Variants in HFM1 observed in about 807,000 individuals in gnomAD.
HFM1 encodes the protein probable ATP-dependent DNA helicase HFM1.
A neutral mutation model predicts 192.1 loss-of-function variants in HFM1; 169 were observed. The ratio of observed to expected loss-of-function variants is 0.88; its 90% CI spans 0.78 to 1.00. The LOEUF is 1.00. HFM1 is among the 50% of genes least tolerant of loss of function. The pLI is 0.00. For missense variants in HFM1, 1,661 were observed against 1,668.0 expected, an observed-to-expected ratio of 1.00 and a Z score of 0.07; for synonymous variants, 525 against 537.8, an observed-to-expected ratio of 0.98 and a Z score of 0.33.
intron 30 of HFM1, among the ~76,000 whole-genome samples, chr1:91,295,763 TAGA>T (rs1156279525): frequency 9.9e-5 from 15 of 152,180 alleles, no homozygotes; most frequent in Non-Finnish European, 1.5e-4. Flanking sequence ...TTTTTATGGT[TAGA>T]AAGTTTTGTG....
chr1:91,278,893 G>A (rs191978359), intron 30 of HFM1, among the ~76,000 whole-genome samples: 1 of 152,134 alleles, frequency 6.6e-6, no homozygotes, highest in Non-Finnish European at 1.5e-5. Flanking sequence ...ACAGAGATAA[G>A]ACTACCATGT....
intron 17 of HFM1, 31 bp downstream of exon 17, chr1:91,351,518 A>G (rs1411282790): frequency 1.9e-6 from 2 of 1,057,842 alleles, no homozygotes; most frequent in African/African-American, 3.2e-5. Context: ...TATTAGCATT[A>G]GTATCTTTTT....
At chr1:91,302,677 G>A (rs375063035) in intron 30 of HFM1, among the ~76,000 whole-genome samples, 14 of 149,296 alleles carry the variant, frequency 9.4e-5, no homozygotes, top group South Asian at 2.1e-4. Context: ...GCAAACTATC[G>A]CAAGGACAAA....
chr1:91,316,696 T>C (rs1056308305), intron 25 of HFM1, among the ~76,000 whole-genome samples: 3 of 152,318 alleles, frequency 2.0e-5, no homozygotes, highest in Admixed American at 6.5e-5. Context: ...GCATTTGCTT[T>C]ATAAAAGAAA....
intron 34 of HFM1, among the ~76,000 whole-genome samples, chr1:91,270,527 C>T (rs1449836991): frequency 1.3e-5 from 2 of 149,348 alleles, no homozygotes; most frequent in South Asian, 2.1e-4. Context: ...ATTAAAGACA[C>T]GGGCTTGGGT....
At chr1:91,348,455 C>A (rs1329051276) in intron 18 of HFM1, among the ~76,000 whole-genome samples, 1 of 152,098 alleles carries the variant, frequency 6.6e-6, no homozygotes, top group Non-Finnish European at 1.5e-5. Context: ...ACAGGAATTT[C>A]ATTTCTAGAG....
Position 91,291,090 on chromosome 1 carries a change from T to G in HFM1, c.3392-14028A>C, listed in dbSNP as rs564754766. ...AATTTATAGCACTAAATGCCCACAA[T>G]AGAAAGCAGAAAAGATCCAAAATTG... On this transcript the variant is annotated intron_variant, in intron 30 of 38. Coordinates refer to ENST00000370425, the MANE Select transcript of HFM1 (RefSeq NM_001017975.6). Among the ~76,000 whole-genome samples the G allele has an allele frequency of 2.9e-3, 442 of 151,786 alleles. 4 individuals carry two copies. The highest frequency in any genetic ancestry group is 9.7e-3 in the African/African-American group (402 of 41,334).
chr1:91,403,102 T>C (rs1571258335), intron 1 of HFM1, among the ~76,000 whole-genome samples: 1 of 152,264 alleles, frequency 6.6e-6, no homozygotes, highest in African/African-American at 2.4e-5. Context: ...TTCCGCATTA[T>C]TTTTCTTCAT....
intron 30 of HFM1, among the ~76,000 whole-genome samples, chr1:91,306,459 C>A (rs902393352): frequency 6.6e-6 from 1 of 152,122 alleles, no homozygotes; most frequent in Non-Finnish European, 1.5e-5. Flanking sequence ...AGGATCAAAT[C>A]ATTTTCTCCT....
At chr1:91,309,388 A>G (rs1650111327) in intron 30 of HFM1, among the ~76,000 whole-genome samples, 1 of 152,258 alleles carries the variant, frequency 6.6e-6, no homozygotes, top group Non-Finnish European at 1.5e-5. Context: ...ATTATAAAAC[A>G]AAATTAATTT....
chr1:91,262,681 C>A, intron 36 of HFM1, 89 bp from the exon 37 acceptor site: 1 of 744,778 alleles, frequency 1.3e-6, no homozygotes, highest in Non-Finnish European at 2.2e-6. Context: ...GGAATATGAT[C>A]AAAGTTTATC....
chr1:91,375,831 T>C, intron 11 of HFM1, 104 bp from the exon 12 acceptor site: 2 of 814,320 alleles, frequency 2.5e-6, no homozygotes, highest in South Asian at 1.6e-5. Context: ...TATAAAAGTA[T>C]TTAATCAAGT....
chr1:91,374,812 T>C (rs957297592), intron 13 of HFM1, among the ~76,000 whole-genome samples: 1 of 152,272 alleles, frequency 6.6e-6, no homozygotes, highest in East Asian at 1.9e-4. Flanking sequence ...TGGGAATTCA[T>C]AGACATGCAT....
chr1:91,350,926 CTTTT>C, intron 17 of HFM1, 55 bp from the exon 18 acceptor site: 1 of 1,397,198 alleles, frequency 7.2e-7, no homozygotes, highest in South Asian at 1.4e-5. Flanking sequence ...ATAACTCTTA[CTTTT>C]TAACTTTAAT....
At chr1:91,344,786 G>A (rs1470367553) in intron 19 of HFM1, among the ~76,000 whole-genome samples, 1 of 115,390 alleles carries the variant, frequency 8.7e-6, no homozygotes, top group African/African-American at 3.4e-5. Flanking sequence ...TCACTCTGTT[G>A]CCCAGGCTAA....
chr1:91,336,412 T>A (rs1654586515), intron 20 of HFM1, among the ~76,000 whole-genome samples: 2 of 150,472 alleles, frequency 1.3e-5, no homozygotes, highest in African/African-American at 2.4e-5. Context: ...CTTACCTCCA[T>A]CCCTTCTTTT....
intron 30 of HFM1, among the ~76,000 whole-genome samples, chr1:91,279,561 G>A (rs1410610017): frequency 6.6e-6 from 1 of 152,178 alleles, no homozygotes; most frequent in Non-Finnish European, 1.5e-5. Context: ...TCAAGGTCCT[G>A]CATGATCCAA....
At chr1:91,325,438 C>A (rs184508577) in intron 20 of HFM1, among the ~76,000 whole-genome samples, 63 of 152,290 alleles carry the variant, frequency 4.1e-4, no homozygotes, top group African/African-American at 1.5e-3. Context: ...AGCCCCAATT[C>A]CAAGTGGCTC....
rs767159211 is a variant in HFM1, at chr1:91,261,363, G to C, written c.4239-4C>G. ...TTCATCATCAGGATGATACATACTGGGAGAAAGAAGAAAAAGTAAAAATAA... is the reference window on the plus strand; with the variant it reads ...TTCATCATCAGGATGATACATACTGCGAGAAAGAAGAAAAAGTAAAAATAA... On this transcript the variant is annotated splice_polypyrimidine_tract_variant and splice_region_variant and intron_variant, in intron 38 of 38. Coordinates refer to ENST00000370425, the MANE Select transcript of HFM1 (RefSeq NM_001017975.6). 3 of 1,337,514 alleles carry C rather than the reference G, an allele frequency of 2.2e-6. No individual in the cohort carries two copies. In the Admixed American group the frequency reaches 9.2e-5, roughly 41 times the overall value. 82.9% of individuals were successfully genotyped at this position (1,337,514 alleles called of 1,614,324 possible).
Sources: gnomAD v4.1 joint callset for allele counts (sites outside exome capture counted in the v4.1 genomes callset) on GRCh38, gnomAD v4.1.1 for gene constraint, MANE v1.5 for transcripts, NCBI Gene and HGNC (gene_info 2026-07-23, HGNC 2026-07-21) for gene names.